Variants in FGF14 observed in about 807,000 individuals in gnomAD.
The protein encoded by FGF14 is fibroblast growth factor homologous factor 4.
Under a neutral mutation model 25.5 loss-of-function variants are expected in FGF14, and 5 were observed. The ratio of observed to expected loss-of-function variants is 0.20; its 90% CI spans 0.10 to 0.41. FGF14 has a LOEUF of 0.41. Among genes scored for constraint, FGF14 ranks in the 10% least tolerant of loss-of-function variants. The pLI is 1.00. For synonymous variants in FGF14, 138 were observed against 118.3 expected (o/e 1.17, Z -1.08); for missense variants, 222 against 320.1 (o/e 0.69, Z 2.34).
At position 101,800,926 on chromosome 13, in the gene FGF14, A is replaced by G. The variant is rs573325008; in HGVS notation, c.408+67799T>C. ...ATCCTGAACCTTCATATCATTATGC[A>G]CTTAATAATGAATCTGCCTGGAGGA... On this transcript the variant is annotated intron_variant, in intron 3 of 4. Coordinates refer to ENST00000376143, the MANE Select transcript of FGF14 (RefSeq NM_004115.4). 4.6e-5 allele frequency among the ~76,000 whole-genome samples: 7 copies of G among 152,292 alleles called. No homozygotes were observed. The East Asian group carries it at 1.2e-3, about 25-fold the overall frequency.
chr13:102,105,786 G>A (rs1171182533), intron 1 of FGF14, among the ~76,000 whole-genome samples: 1 of 152,134 alleles, frequency 6.6e-6, no homozygotes, highest in African/African-American at 2.4e-5. Flanking sequence ...TCAATTTTCA[G>A]AGCATTTCAG....
chr13:102,110,502 C>T (rs1055488880), intron 1 of FGF14, among the ~76,000 whole-genome samples: 1 of 152,180 alleles, frequency 6.6e-6, no homozygotes, highest in East Asian at 1.9e-4. Context: ...GTACCCTCAC[C>T]CATTCCTTCA....
intron 1 of FGF14, among the ~76,000 whole-genome samples, chr13:102,197,653 CAT>C (rs544440005): frequency 4.6e-5 from 7 of 151,658 alleles, no homozygotes; most frequent in South Asian, 2.1e-4. Flanking sequence ...TATATTTACA[CAT>C]ATATAGATAC....
chr13:101,870,813 C>G (rs981230458), intron 2 of FGF14, among the ~76,000 whole-genome samples: 2 of 151,912 alleles, frequency 1.3e-5, no homozygotes, highest in Non-Finnish European at 2.9e-5. Flanking sequence ...ATTAGCCAGG[C>G]GTGGTGGGGC....
At chr13:102,124,557 A>G (rs184685246) in intron 1 of FGF14, among the ~76,000 whole-genome samples, 160 of 152,236 alleles carry the variant, frequency 1.1e-3, no homozygotes, top group African/African-American at 3.6e-3. Context: ...AAAGTCATCA[A>G]ATGTCTTTTA....
intron 1 of FGF14, among the ~76,000 whole-genome samples, chr13:102,240,014 G>A (rs1387110936): frequency 6.6e-6 from 1 of 152,072 alleles, no homozygotes; most frequent in African/African-American, 2.4e-5. Context: ...TCTTTAAAAG[G>A]CACACTTATA....
intron 1 of FGF14, among the ~76,000 whole-genome samples, chr13:102,309,489 G>A (rs2055611646): frequency 6.6e-6 from 1 of 152,142 alleles, no homozygotes. Context: ...ATGGGATTCT[G>A]CCTAGATCTG....
At chr13:102,145,178 C>A (rs1566741743) in intron 1 of FGF14, among the ~76,000 whole-genome samples, 1 of 152,134 alleles carries the variant, frequency 6.6e-6, no homozygotes. Context: ...GGAGGTTGAG[C>A]CCTCCTTAGC....
chr13:102,120,265 A>G (rs979000604), intron 1 of FGF14, among the ~76,000 whole-genome samples: 1 of 152,234 alleles, frequency 6.6e-6, no homozygotes, highest in South Asian at 2.1e-4. Context: ...ACACTAAACA[A>G]AGCCGTAAAC....
chr13:101,974,388 T>C (rs1385127698), intron 1 of FGF14, among the ~76,000 whole-genome samples: 1 of 152,218 alleles, frequency 6.6e-6, no homozygotes, highest in African/African-American at 2.4e-5. Flanking sequence ...ACCATAACTA[T>C]GCAGCAAGCC....
At chr13:102,315,992 A>G (rs754240930) in intron 1 of FGF14, among the ~76,000 whole-genome samples, 13 of 152,358 alleles carry the variant, frequency 8.5e-5, no homozygotes, top group South Asian at 2.1e-4. Flanking sequence ...AATGAGCCCT[A>G]TGCAATCCCA....
At chr13:102,322,315 A>T (rs1053363526) in intron 1 of FGF14, among the ~76,000 whole-genome samples, 23 of 152,326 alleles carry the variant, frequency 1.5e-4, no homozygotes, top group African/African-American at 5.1e-4. Context: ...TATCAAAGGA[A>T]GTCAGTAAAA....
chr13:101,988,562 T>C (rs1333035631), intron 1 of FGF14, among the ~76,000 whole-genome samples: 2 of 151,924 alleles, frequency 1.3e-5, no homozygotes, highest in African/African-American at 4.8e-5. Flanking sequence ...TGTAGGGACA[T>C]GGATGAAGCT....
intron 1 of FGF14, among the ~76,000 whole-genome samples, chr13:102,067,753 G>A (rs2042964556): frequency 6.6e-6 from 1 of 151,658 alleles, no homozygotes; most frequent in Non-Finnish European, 1.5e-5. Flanking sequence ...TAAAAGGATA[G>A]TTACAGAGAA....
At chr13:102,276,562 G>T (rs1198376359) in intron 1 of FGF14, among the ~76,000 whole-genome samples, 1 of 151,768 alleles carries the variant, frequency 6.6e-6, no homozygotes, top group Non-Finnish European at 1.5e-5. Context: ...TCAGTTCAAA[G>T]AATTATTTTT....
chr13:101,884,655 A>G (rs2045896180), intron 1 of FGF14, among the ~76,000 whole-genome samples: 1 of 152,154 alleles, frequency 6.6e-6, no homozygotes, highest in Non-Finnish European at 1.5e-5. Flanking sequence ...CTCTCCCACA[A>G]AGTAATGCAT....
chr13:102,153,966 G>A (rs1017184726), intron 1 of FGF14, among the ~76,000 whole-genome samples: 1 of 152,096 alleles, frequency 6.6e-6, no homozygotes, highest in African/African-American at 2.4e-5. Flanking sequence ...CTCTATTGTA[G>A]CTTCAAGGAA....
intron 3 of FGF14, among the ~76,000 whole-genome samples, chr13:101,769,029 A>G (rs2094528): frequency 0.42 from 64,556 of 151,928 alleles, 14,904 homozygotes; most frequent in Middle Eastern, 0.52. Context: ...GTGAAGAGAA[A>G]CCACAGACTG....
chr13:102,004,964 C>T (rs1254668091), intron 1 of FGF14, among the ~76,000 whole-genome samples: 12 of 152,186 alleles, frequency 7.9e-5, no homozygotes, highest in Admixed American at 7.9e-4. Flanking sequence ...AATTAAACCT[C>T]TTTCCTTTAT....
Sources: allele counts gnomAD v4.1 joint callset (sites outside exome capture counted in the v4.1 genomes callset), GRCh38; gene constraint gnomAD v4.1.1; transcripts MANE v1.5; gene names NCBI Gene and HGNC (gene_info 2026-07-23, HGNC 2026-07-21).